SEC14L1: variants seen among roughly 807,000 people sequenced by gnomAD.
SEC14L1 encodes SEC14 like lipid binding 1, also known as SEC14-like protein 1.
SEC14L1 carries 48 observed loss-of-function variants against 85.3 expected under a neutral mutation model. That is an observed-to-expected ratio of 0.56 (90% CI 0.45 to 0.72). The LOEUF is 0.72. Ranked by LOEUF, SEC14L1 falls within the 30% of genes least tolerant of loss-of-function variation. The probability of loss-of-function intolerance (pLI) is 0.00; values close to 1 mark genes in which losing one functional copy is unlikely to be tolerated. For synonymous variants in SEC14L1, 391 were observed against 355.5 expected, an observed-to-expected ratio of 1.10 and a Z score of -1.12; for missense variants, 682 against 921.4, an observed-to-expected ratio of 0.74 and a Z score of 3.36.
Position 77,206,539 on chromosome 17 carries a change from A to G in SEC14L1, c.1341+139A>G. The G allele has an allele frequency of 7.7e-7, 1 of 1,294,634 alleles. No individual in the cohort carries two copies. The highest frequency in any genetic ancestry group is 1.1e-6 in the Non-Finnish European group (1 of 951,602). The allele number at this position is 1,294,634 out of a possible 1,614,324, so 80.2% of individuals were successfully genotyped here. A position where few individuals can be genotyped will look rare whatever the true frequency, so the allele number is the denominator to read the frequency against. ...AACATGCAAAGATATAAAATTTCTC[A>G]AATTGTTTAAGAAAGGGGAAAAACA... On this transcript the variant is annotated intron_variant, in intron 12 of 16. Coordinates refer to ENST00000436233, the MANE Select transcript of SEC14L1 (RefSeq NM_001143998.2). This position sits in a 1 kb window ranked among gnomAD's most constrained non-coding sequence, Gnocchi z 4.3.
rs549288264 is a variant in SEC14L1, at chr17:77,101,289, A to G, written c.-136+7942A>G. Among the ~76,000 whole-genome samples, 5 of 152,166 alleles carry G rather than the reference A, an allele frequency of 3.3e-5. No individual in the cohort carries two copies. The East Asian group carries it at 5.8e-4, about 18-fold the overall frequency. On this transcript the variant is annotated intron_variant, in intron 3 of 19. Transcript: ENST00000392476. The stretch of plus-strand genomic sequence containing the variant: ...AACCCCAGTCTCCCAGGTTCAAGCA[A>G]TTATCCTGTGCCTCCTGAGAAGCTG...
intron 3 of SEC14L1, among the ~76,000 whole-genome samples, chr17:77,124,031 G>A (rs991718181): frequency 6.6e-6 from 1 of 152,220 alleles, no homozygotes; most frequent in Non-Finnish European, 1.5e-5. Flanking sequence ...GAAAGCTTCT[G>A]CTCCTTGTGG....
chr17:77,110,197 C>T (rs1019410512), intron 3 of SEC14L1, among the ~76,000 whole-genome samples: 3 of 152,158 alleles, frequency 2.0e-5, no homozygotes, highest in African/African-American at 7.2e-5. Context: ...CTTTTCTGCT[C>T]GAGTAATTAC....
chr17:77,107,223 G>A (rs1971934916), intron 3 of SEC14L1, among the ~76,000 whole-genome samples: 3 of 152,104 alleles, frequency 2.0e-5, no homozygotes, highest in South Asian at 2.1e-4. Context: ...CTTAGCCCAC[G>A]CCAGGCTCCG....
intron 8 of SEC14L1, among the ~76,000 whole-genome samples, chr17:77,198,473 G>A (rs552767239): frequency 6.6e-6 from 1 of 152,132 alleles, no homozygotes; most frequent in Non-Finnish European, 1.5e-5. Flanking sequence ...TCAGAAAACC[G>A]AACATAGTCC....
At chr17:77,108,098 T>C (rs1218076038) in intron 3 of SEC14L1, among the ~76,000 whole-genome samples, 2 of 150,642 alleles carry the variant, frequency 1.3e-5, no homozygotes, top group African/African-American at 4.9e-5. Flanking sequence ...CCCCATACCA[T>C]GCGCACGCAC....
In SEC14L1 at chr17:77,206,620, T is replaced by C. The variant is rs1213512016; in HGVS notation, c.1342-108T>C. 4.9e-5 allele frequency: 67 copies of C among 1,372,292 alleles called. 1 individual carries two copies. The Admixed American group carries it at 1.5e-3, about 30-fold the overall frequency. The allele number at this position is 1,372,292 out of a possible 1,614,324, so 85.0% of individuals were successfully genotyped here. Reference sequence around the variant, plus strand: ...GACTTTACAGAAGAAGTATATAAACTTGAATGTCTTCCCCCCACCCTCCCA... The same window carrying C: ...GACTTTACAGAAGAAGTATATAAACCTGAATGTCTTCCCCCCACCCTCCCA... On this transcript the variant is annotated intron_variant, in intron 12 of 16. Transcript: ENST00000436233. The surrounding 1 kb of genome is among the most constrained non-coding windows in gnomAD (Gnocchi z 4.3).
At chr17:77,131,433 C>G (rs937607142) in intron 3 of SEC14L1, among the ~76,000 whole-genome samples, 5 of 152,132 alleles carry the variant, frequency 3.3e-5, no homozygotes, top group African/African-American at 1.2e-4. Context: ...CCATGCCCAA[C>G]TAATTTTTGT....
chr17:77,113,067 G>A (rs1422052444), intron 3 of SEC14L1, among the ~76,000 whole-genome samples: 1 of 152,066 alleles, frequency 6.6e-6, no homozygotes, highest in Non-Finnish European at 1.5e-5. Flanking sequence ...GCTGAGGTAG[G>A]AGGATCACTT....
chr17:77,106,212 A>G (rs1047398891), intron 3 of SEC14L1, among the ~76,000 whole-genome samples: 1 of 152,050 alleles, frequency 6.6e-6, no homozygotes, highest in Non-Finnish European at 1.5e-5. Context: ...TGAGCAGCAT[A>G]GTGAGACTGT....
At chr17:77,132,632 C>T (rs747799782) in intron 3 of SEC14L1, among the ~76,000 whole-genome samples, 1 of 152,128 alleles carries the variant, frequency 6.6e-6, no homozygotes, top group African/African-American at 2.4e-5. Flanking sequence ...CCAGAAAATA[C>T]GAAGTAAGTG....
chr17:77,126,185 G>A (rs1972442682), intron 3 of SEC14L1, among the ~76,000 whole-genome samples: 1 of 152,188 alleles, frequency 6.6e-6, no homozygotes. Context: ...GATAGGAAGA[G>A]CTCTGTGAAC....
Position 77,186,605 on chromosome 17 carries a change from C to T in SEC14L1, c.64-4198C>T, listed in dbSNP as rs16969722. Among the ~76,000 whole-genome samples the T allele has an allele frequency of 7.0e-3, 1,063 of 152,272 alleles. 8 individuals are homozygous for T. Among genetic ancestry groups the T allele is most frequent in the African/African-American group, 0.024 (1,005 of 41,544 alleles). On this transcript the variant is annotated intron_variant, in intron 3 of 16. Transcript: ENST00000436233. ...TTTTCACATCGATTTAACCTTGTAA[C>T]GTTGTGGAGAGAAAGTGAGATACAG...
At position 77,215,447 on chromosome 17, in the gene SEC14L1, G is replaced by A. The variant is rs761884322; in HGVS notation, c.*1424G>A. On this transcript the variant is annotated 3_prime_UTR_variant, in exon 17 of 17. Transcript: ENST00000436233. The stretch of plus-strand genomic sequence containing the variant: ...TAGGCATGGAGATCCTGGTTGTGCC[G>A]TCTCAGCTCCGCTCTGAAGGCACTG... The A allele has an allele frequency of 6.3e-5, 62 of 985,410 alleles. No homozygotes were observed. Among genetic ancestry groups the A allele is most frequent in the Middle Eastern group, 1.0e-3 (2 of 1,936 alleles). 61.0% of individuals were successfully genotyped at this position (985,410 alleles called of 1,614,324 possible). A position where few individuals can be genotyped will look rare whatever the true frequency, so the allele number is the denominator to read the frequency against.
At chr17:77,184,470 C>T (rs1363438709) in intron 3 of SEC14L1, among the ~76,000 whole-genome samples, 2 of 152,024 alleles carry the variant, frequency 1.3e-5, no homozygotes, top group East Asian at 3.9e-4. Flanking sequence ...AATTTTCTCC[C>T]CTGTTGAGTA....
At position 77,213,787 on chromosome 17, in the gene SEC14L1, G is replaced by A. The variant is rs556982091; in HGVS notation, c.2043-131G>A. On this transcript the variant is annotated intron_variant, in intron 16 of 16. Coordinates refer to ENST00000436233, the MANE Select transcript of SEC14L1 (RefSeq NM_001143998.2). This position sits in a 1 kb window ranked among gnomAD's most constrained non-coding sequence, Gnocchi z 7.1. The stretch of plus-strand genomic sequence containing the variant: ...GGTGGGTTACTCATGTCCATCCCCC[G>A]TTTGCAAGCACTGATGGGGATGAGA... 54 of 1,210,886 alleles carry A rather than the reference G, an allele frequency of 4.5e-5. No homozygotes were observed. In the African/African-American group the frequency reaches 5.4e-4, roughly 12 times the overall value. The allele number at this position is 1,210,886 out of a possible 1,614,324, so 75.0% of individuals were successfully genotyped here. A position where few individuals can be genotyped will look rare whatever the true frequency, so the allele number is the denominator to read the frequency against.
At chr17:77,138,230 C>T (rs1972851649), upstream of SEC14L1, among the ~76,000 whole-genome samples, 3 of 152,080 alleles carry the variant, frequency 2.0e-5, no homozygotes, top group African/African-American at 7.2e-5. Flanking sequence ...TAGGGAGGGT[C>T]AGAATCTTGT....
chr17:77,121,717 G>A (rs1025910271), intron 3 of SEC14L1, among the ~76,000 whole-genome samples: 3 of 152,198 alleles, frequency 2.0e-5, no homozygotes, highest in Non-Finnish European at 4.4e-5. Context: ...TTACAGATGA[G>A]GAAACGGGCT....
chr17:77,184,162 T>G (rs1461695281), intron 3 of SEC14L1, among the ~76,000 whole-genome samples: 6 of 152,210 alleles, frequency 3.9e-5, no homozygotes, highest in Non-Finnish European at 7.3e-5. Flanking sequence ...TTGTGTCTGC[T>G]TCCGCTGCAT....
Sources: gnomAD v4.1 joint callset for allele counts (sites outside exome capture counted in the v4.1 genomes callset) on GRCh38, gnomAD v4.1.1 for gene constraint, Gnocchi (gnomAD v3.1) non-coding constraint, MANE v1.5 for transcripts, NCBI Gene and HGNC (gene_info 2026-07-23, HGNC 2026-07-21) for gene names.